Variants in PRRC2B observed in about 807,000 individuals in gnomAD.
PRRC2B encodes proline rich coiled-coil 2B.
PRRC2B carries 68 observed loss-of-function variants against 242.3 expected under a neutral mutation model. The ratio of observed to expected loss-of-function variants is 0.28; its 90% CI spans 0.23 to 0.34. The LOEUF is 0.34. Ranked by LOEUF, PRRC2B falls within the 10% of genes least tolerant of loss-of-function variation. PRRC2B has a pLI of 1.00. For missense variants in PRRC2B, 2,835 were observed against 2,954.8 expected, an observed-to-expected ratio of 0.96 and a Z score of 0.94; for synonymous variants, 1,228 against 1,173.6, an observed-to-expected ratio of 1.05 and a Z score of -0.95.
Position 131,430,099 on chromosome 9 carries a change from G to A in PRRC2B, c.-46G>A, listed in dbSNP as rs1237831309. Reference sequence around the variant, plus strand: ...CTTCTCTATTTCAAAGGCAGATCGGGAGCGGTGCCGAGAAAAATTTCCTTA... The same window carrying A: ...CTTCTCTATTTCAAAGGCAGATCGGAAGCGGTGCCGAGAAAAATTTCCTTA... On this transcript the variant is annotated 5_prime_UTR_variant, in exon 2 of 32. Coordinates refer to ENST00000683519, the MANE Select transcript of PRRC2B (RefSeq NM_013318.4). The A allele has an allele frequency of 2.9e-6, 3 of 1,026,120 alleles. No individual in the cohort carries two copies. The highest frequency in any genetic ancestry group is 4.5e-6 in the Non-Finnish European group (3 of 670,212). The allele number at this position is 1,026,120 out of a possible 1,614,324, so 63.6% of individuals were successfully genotyped here.
intron 1 of PRRC2B, among the ~76,000 whole-genome samples, chr9:131,396,273 T>A (rs368624428): frequency 6.6e-6 from 1 of 150,722 alleles, no homozygotes; most frequent in Non-Finnish European, 1.5e-5. Flanking sequence ...TCTCCCTCCC[T>A]CCCTTTCCCT....
chr9:131,488,194 G>A (rs566529164), intron 28 of PRRC2B, 98 bp downstream of exon 28: 89 of 1,463,966 alleles, frequency 6.1e-5, no homozygotes, highest in Non-Finnish European at 7.3e-5. Context: ...CTGGCCTATC[G>A]TGCTGTTGGT....
At chr9:131,489,337 C>T (rs1944118776) in intron 28 of PRRC2B, among the ~76,000 whole-genome samples, 2 of 151,966 alleles carry the variant, frequency 1.3e-5, no homozygotes, top group South Asian at 4.2e-4. Flanking sequence ...CAGGCGCCCA[C>T]CACCCACCGG....
At chr9:131,456,665 T>A (rs1158768911) in intron 10 of PRRC2B, among the ~76,000 whole-genome samples, 1 of 150,852 alleles carries the variant, frequency 6.6e-6, no homozygotes, top group Non-Finnish European at 1.5e-5. Context: ...CACAATTAGT[T>A]GGGCGTGGTG....
At chr9:131,449,347 A>C (rs1942840701) in intron 9 of PRRC2B, among the ~76,000 whole-genome samples, 1 of 151,590 alleles carries the variant, frequency 6.6e-6, no homozygotes, top group Non-Finnish European at 1.5e-5. Flanking sequence ...TCTGGATCTT[A>C]CATTTTGGTG....
At chr9:131,416,583 T>G (rs1837660936) in intron 1 of PRRC2B, among the ~76,000 whole-genome samples, 1 of 151,974 alleles carries the variant, frequency 6.6e-6, no homozygotes, top group Non-Finnish European at 1.5e-5. Context: ...GACTAAAGTT[T>G]ATGCTTTATT....
Position 131,491,278 on chromosome 9 carries a change from A to T in PRRC2B, c.6226-147A>T, listed in dbSNP as rs1443468228. On this transcript the variant is annotated intron_variant, in intron 28 of 31. Coordinates refer to ENST00000683519, the MANE Select transcript of PRRC2B (RefSeq NM_013318.4). ...GCGATCTCTCCTGTGCTGCAGTAGA[A>T]ATTAGAGCATGTCCTGCTTTATGCA... 5 of 812,414 alleles carry T rather than the reference A, an allele frequency of 6.2e-6. No homozygotes were observed. In the Admixed American group the frequency reaches 1.5e-4, roughly 24 times the overall value. 50.3% of individuals were successfully genotyped at this position (812,414 alleles called of 1,614,324 possible).
At chr9:131,394,733 G>A (rs1163750707) in intron 1 of PRRC2B, among the ~76,000 whole-genome samples, 5 of 151,648 alleles carry the variant, frequency 3.3e-5, no homozygotes, top group African/African-American at 4.8e-5. Context: ...CTGCGGGGTC[G>A]GGCCTTGGGT....
intron 28 of PRRC2B, 123 bp from the exon 29 acceptor site, chr9:131,491,302 C>T (rs1232127716): frequency 1.2e-5 from 12 of 1,003,224 alleles, no homozygotes; most frequent in Non-Finnish European, 1.4e-5. Flanking sequence ...CTGCTTTATG[C>T]AGGCTTTGCT....
rs141927752 is a variant in PRRC2B, at chr9:131,459,280, G to A, written c.1328G>A (p.Arg443His). 9.9e-5 allele frequency: 160 copies of A among 1,613,952 alleles called. No individual in the cohort carries two copies. The African/African-American group carries it at 1.8e-3, about 18-fold the overall frequency. The change falls in exon 11 of 32, where the codon CGT becomes CAT. Residue 443 changes from arginine (R) to histidine (H), a missense_variant. Physicochemically the swap from Arg to His is conservative, Grantham distance 29. Transcript: ENST00000683519. ...TGGGCTGAAGCAGTGGGTGCGTCCC[G>A]TGTGGTCCGAAAGGCGCCAGACCCT... ...KDWAEAVGASRVVRKAPDPQP... is the reference protein window; with the variant it reads ...KDWAEAVGASHVVRKAPDPQP...
chr9:131,400,377 C>T lies in PRRC2B; in HGVS notation c.-52+6114C>T, dbSNP rs889700869. ...TCTGTTGCGCAGGCTGGAGTGCAGC[C>T]GTGCGATCTTGGCTCACTGCAACCT... On this transcript the variant is annotated intron_variant, in intron 1 of 31. Transcript: ENST00000683519. Among the ~76,000 whole-genome samples, 15 of 151,812 alleles carry T rather than the reference C, an allele frequency of 9.9e-5. 1 individual carries two copies. The highest frequency in any genetic ancestry group is 5.8e-4 in the East Asian group (3 of 5,184).
At chr9:131,412,917 C>A (rs776143507) in intron 1 of PRRC2B, among the ~76,000 whole-genome samples, 5 of 151,514 alleles carry the variant, frequency 3.3e-5, no homozygotes, top group Non-Finnish European at 7.4e-5. Context: ...CCTCAGCCTC[C>A]CGAGTAGCTG....
In PRRC2B at chr9:131,476,324, T is replaced by C; in HGVS notation, c.4195T>C (p.Ser1399Pro). The C allele has an allele frequency of 1.9e-6, 3 of 1,581,760 alleles. No individual in the cohort carries two copies. The highest frequency in any genetic ancestry group is 2.6e-6 in the Non-Finnish European group (3 of 1,164,374). The change falls in exon 16 of 32, where the codon TCC (serine) becomes CCC (proline). Residue 1399 changes from serine to proline, a missense_variant. Transcript: ENST00000683519. ...RREGPGSEPD[S>P]QVDGGLSGAS... ...GGAAGGCCCTGGGTCCGAGCCCGAC[T>C]CCCAGGTGGATGGTGGCCTGTCGGG...
At chr9:131,374,446 CTAACATG>C (rs1389365643) in intron 1 of PRRC2B, among the ~76,000 whole-genome samples, 24 of 152,052 alleles carry the variant, frequency 1.6e-4, no homozygotes, top group African/African-American at 5.3e-4. Flanking sequence ...TTAAATTTTG[CTAACATG>C]TATTACACAG....
chr9:131,485,141 G>A lies in PRRC2B; in HGVS notation c.5758+1G>A. ...GTAGCACCTTCTGCTTCTATGCCAG[G>A]TATCTCATCCCCTGAGCAAGGCCTT... On this transcript the variant is annotated splice_donor_variant, in intron 25 of 31. Coordinates refer to ENST00000683519, the MANE Select transcript of PRRC2B (RefSeq NM_013318.4). LOFTEE classifies it high-confidence loss of function. The A allele has an allele frequency of 6.3e-7, 1 of 1,576,894 alleles. No homozygotes were observed. Among genetic ancestry groups the A allele is most frequent in the South Asian group, 1.1e-5 (1 of 87,294 alleles).
At chr9:131,471,281 CTT>C (rs911254765) in intron 14 of PRRC2B, among the ~76,000 whole-genome samples, 1 of 152,152 alleles carries the variant, frequency 6.6e-6, no homozygotes, top group Non-Finnish European at 1.5e-5. Flanking sequence ...TGTGCTGTCT[CTT>C]TTTTCTTTGA....
chr9:131,380,430 T>C (rs1344487564), intron 1 of PRRC2B, among the ~76,000 whole-genome samples: 1 of 151,454 alleles, frequency 6.6e-6, no homozygotes, highest in Admixed American at 6.6e-5. Flanking sequence ...ATACAACAAA[T>C]TAGCCAGGCG....
Position 131,477,987 on chromosome 9 carries a change from G to T in PRRC2B, c.4612+38G>T, listed in dbSNP as rs1376475964. 1.9e-6 allele frequency: 3 copies of T among 1,584,314 alleles called. No individual in the cohort carries two copies. In the Admixed American group the frequency reaches 5.0e-5, roughly 26 times the overall value. ...CATATCTTCAGGGGAAAGAACTCAG[G>T]CAGAACCAGGGGCCATGCAGTCCTC... On this transcript the variant is annotated intron_variant, in intron 17 of 31. Transcript: ENST00000683519.
chr9:131,495,862 G>T lies in PRRC2B; in HGVS notation c.6678G>T (p.Glu2226Asp), dbSNP rs769100987. The change falls in exon 32 of 32, where the codon GAG (glutamate) becomes GAT (aspartate). Residue 2226 changes from glutamate (E) to aspartate (D), a missense_variant. Around this residue, in one of 7 missense-constraint regions of PRRC2B, gnomAD observed 574 missense variants for 626.0 expected, o/e 0.92. Transcript: ENST00000683519. ...AGCCTCGGGCTGTCAAAGTGGAGGA[G>T]AGTAAGGCCTGACAGTGCCTGGCTG... ...AIKPRAVKVE[E>D]SKA 3 of 1,606,196 alleles carry T rather than the reference G, an allele frequency of 1.9e-6. No individual in the cohort carries two copies. The highest frequency in any genetic ancestry group is 1.7e-6 in the Non-Finnish European group (2 of 1,173,820).
Sources: allele counts gnomAD v4.1 joint callset (sites outside exome capture counted in the v4.1 genomes callset), GRCh38; gene constraint gnomAD v4.1.1; regional missense constraint gnomAD v4.1.1; transcripts MANE v1.5; gene names NCBI Gene and HGNC (gene_info 2026-07-23, HGNC 2026-07-21).